The following TNXB variants were observed in gnomAD, a reference collection of about 807,000 sequenced individuals.
TNXB encodes tenascin-X.
TNXB carries 183 observed loss-of-function variants against 340.5 expected under a neutral mutation model. The observed-to-expected ratio is 0.54, with a 90% CI of 0.48 to 0.61. The LOEUF (loss-of-function observed/expected upper bound fraction) is 0.61, where lower values mean the gene tolerates loss of function less well. TNXB is among the 20% of genes least tolerant of loss of function. The pLI is 0.00. For synonymous variants in TNXB, 2,121 were observed against 2,314.5 expected (o/e 0.92, Z 2.40); for missense variants, 4,613 against 5,446.4 (o/e 0.85, Z 4.82).
intron 11 of TNXB, among the ~76,000 whole-genome samples, chr6:32,076,402 C>T (rs1779083191): frequency 6.6e-6 from 1 of 152,230 alleles, no homozygotes; most frequent in South Asian, 2.1e-4. Context: ...CCAGCTGCTT[C>T]GTCCTTTTGC....
intron 11 of TNXB, among the ~76,000 whole-genome samples, chr6:32,078,132 A>C (rs1244655828): frequency 6.7e-6 from 1 of 149,994 alleles, no homozygotes; most frequent in African/African-American, 2.4e-5. Flanking sequence ...AGAAAGAAAG[A>C]AAAAGAGAGA....
Position 32,044,020 on chromosome 6 carries a change from C to G in TNXB, c.11373G>C (p.Gln3791His), listed in dbSNP as rs780632328. The change falls in exon 34 of 44, where the codon CAG (glutamine) becomes CAC (histidine). Residue 3791 changes from glutamine (Q) to histidine (H), a missense_variant. This residue lies in a region of TNXB where 14 missense variants were observed against 33.4 expected (regional missense o/e 0.42). Coordinates refer to ENST00000644971, the MANE Select transcript of TNXB (RefSeq NM_001365276.2). ...CAAAGGCACCACCTCCGTCCGCCAGCTGGTAGGAGACTTTGAAGCTGTCCG... is the reference window on the plus strand; with the variant it reads ...CAAAGGCACCACCTCCGTCCGCCAGGTGGTAGGAGACTTTGAAGCTGTCCG... ...SRADSFKVSY[Q>H]LADGGEPQSV... is the part of the protein sequence containing the mutation. The G allele has an allele frequency of 1.3e-6, 2 of 1,587,436 alleles. No homozygotes were observed. The highest frequency in any genetic ancestry group is 1.7e-6 in the Non-Finnish European group (2 of 1,167,320).
rs1228110837 is a variant in TNXB at position 32,069,610 on chromosome 6, G to A, written c.5530C>T (p.Leu1844Phe). The A allele has an allele frequency of 1.9e-6, 3 of 1,607,570 alleles. No homozygotes were observed. Among genetic ancestry groups the A allele is most frequent in the Non-Finnish European group, 1.7e-6 (2 of 1,175,920 alleles). The change falls in exon 15 of 44, where the codon CTC becomes TTC. Residue 1844 changes from leucine (L) to phenylalanine (F), a missense_variant. Physicochemically the swap from Leu to Phe is conservative, Grantham distance 22 (BLOSUM62 0). This residue lies in a region of TNXB where 4,327 missense variants were observed against 4,859.4 expected (regional missense o/e 0.89). Transcript: ENST00000644971. This position sits in a 1 kb window ranked among gnomAD's most constrained non-coding sequence, Gnocchi z 6.2. ...CGCTTGCCGTGGTGCAGCCCGTAGA[G>A]CAGCAGCTTGTACCTGTGGGCAGGG... is the stretch of plus-strand genomic sequence containing the variant. Reference protein sequence around the residue: ...LDPAHRYKLLLYGLHHGKRVG... With the variant: ...LDPAHRYKLLFYGLHHGKRVG...
rs1780004052 is a variant in TNXB at position 32,089,960 on chromosome 6, G to C, written c.2359-581C>G. The stretch of plus-strand genomic sequence containing the variant: ...TTCAAGTTGCACTTTCTCCTTAAAG[G>C]GTCTGCCTCACCCTGAACCTCCTCG... On this transcript the variant is annotated intron_variant, in intron 4 of 43. Coordinates refer to ENST00000644971, the MANE Select transcript of TNXB (RefSeq NM_001365276.2). The surrounding 1 kb of genome is among the most constrained non-coding windows in gnomAD (Gnocchi z 6.2). Among the ~76,000 whole-genome samples, 1 of 152,136 alleles carries C rather than the reference G, an allele frequency of 6.6e-6. No individual in the cohort carries two copies. Among genetic ancestry groups the C allele is most frequent in the Non-Finnish European group, 1.5e-5 (1 of 68,026 alleles).
In TNXB at chr6:32,079,449, T is replaced by C; in HGVS notation, c.4043-84A>G. 8.5e-7 allele frequency: 1 copy of C among 1,176,062 alleles called. No individual in the cohort carries two copies. The allele number at this position is 1,176,062 out of a possible 1,614,324, so 72.9% of individuals were successfully genotyped here. A position where few individuals can be genotyped will look rare whatever the true frequency, so the allele number is the denominator to read the frequency against. On this transcript the variant is annotated intron_variant, in intron 10 of 43. Transcript: ENST00000644971. The surrounding 1 kb of genome is among the most constrained non-coding windows in gnomAD (Gnocchi z 7.1). ...GACAGCCATGGAAATGCCCTTACGC[T>C]GTGGGCTCAGGGGCTCTGTAGCCTT...
rs1779621188 is a variant in TNXB, at chr6:32,083,941, CAGGATCAACCCTGCT to C, written c.3445+457_3445+471del. On this transcript the variant is annotated intron_variant, in intron 8 of 43. Coordinates refer to ENST00000644971, the MANE Select transcript of TNXB (RefSeq NM_001365276.2). This position sits in a 1 kb window ranked among gnomAD's most constrained non-coding sequence, Gnocchi z 4.6. ...CCTCCCAAGGTGCTGGGATTATAGGCAGGATCAACCCTGCTAGCCTTTACCAGCTCTTAACTCACT... is the reference window on the plus strand; with the variant it reads ...CCTCCCAAGGTGCTGGGATTATAGGCAGCCTTTACCAGCTCTTAACTCACT... Among the ~76,000 whole-genome samples, 1 of 152,200 alleles carries C rather than the reference CAGGATCAACCCTGCT, an allele frequency of 6.6e-6. No individual in the cohort carries two copies. Among genetic ancestry groups the C allele is most frequent in the Non-Finnish European group, 1.5e-5 (1 of 68,034 alleles).
At position 32,061,478 on chromosome 6, in the gene TNXB, G is replaced by A; in HGVS notation, c.7411C>T (p.Pro2471Ser). The change falls in exon 21 of 44, where the codon CCT becomes TCT. Residue 2471 changes from proline to serine, a missense_variant. By Grantham distance (74) the Pro-to-Ser change is moderately conservative (BLOSUM62 -1). Transcript: ENST00000644971. The surrounding 1 kb of genome is among the most constrained non-coding windows in gnomAD (Gnocchi z 4.4). ...AGGTGCATCTTGTATTTGCGCCCAG[G>A]CTCCAGGCCCCCCACGGTGACCTCG... is the stretch of plus-strand genomic sequence containing the variant. ...ESEVTVGGLE[P>S]GRKYKMHLYG... 1.2e-6 allele frequency: 2 copies of A among 1,613,538 alleles called. No homozygotes were observed. Among genetic ancestry groups the A allele is most frequent in the Non-Finnish European group, 1.7e-6 (2 of 1,179,816 alleles).
At chr6:32,055,797 T>C (rs911530293) in intron 24 of TNXB, 54 bp downstream of exon 24, 37 of 1,567,794 alleles carry the variant, frequency 2.4e-5, no homozygotes, top group Non-Finnish European at 3.0e-5. Context: ...TTTCATGAAG[T>C]TGCAGAGAAA....
At chr6:32,091,821 T>C (rs1582464584) in intron 4 of TNXB, among the ~76,000 whole-genome samples, 2 of 152,312 alleles carry the variant, frequency 1.3e-5, no homozygotes, top group African/African-American at 4.8e-5. Context: ...TATCTCAATA[T>C]TAACCTCGTG....
chr6:32,078,129 A>AAG (rs879775964), intron 11 of TNXB, among the ~76,000 whole-genome samples: 2 of 147,008 alleles, frequency 1.4e-5, no homozygotes, highest in African/African-American at 5.0e-5. Context: ...GAAAGAAAGA[A>AAG]AGAAAAAGAG....
chr6:32,070,364 A>T lies in TNXB; in HGVS notation c.5041T>A (p.Trp1681Arg), dbSNP rs761353404. The T allele has an allele frequency of 1.2e-6, 2 of 1,606,296 alleles. No homozygotes were observed. Among genetic ancestry groups the T allele is most frequent in the South Asian group, 1.1e-5 (1 of 89,846 alleles). The change falls in exon 14 of 44, where the codon TGG (tryptophan) becomes AGG (arginine). Residue 1681 changes from tryptophan to arginine, a missense_variant. Coordinates refer to ENST00000644971, the MANE Select transcript of TNXB (RefSeq NM_001365276.2). This position sits in a 1 kb window ranked among gnomAD's most constrained non-coding sequence, Gnocchi z 6.0. ...GAGTCTGGGGTGGGGTCTGTCACCC[A>T]CAGCTCCCCAAGGCGGGGTGGGGCC... Reference protein sequence around the residue: ...PGAPPRLGELWVTDPTPDSLR... With the variant: ...PGAPPRLGELRVTDPTPDSLR...
rs116414491 is a variant in TNXB, at chr6:32,083,855, G to A, written c.3445+558C>T. 7.3e-3 allele frequency among the ~76,000 whole-genome samples: 1,105 copies of A among 152,100 alleles called. 13 individuals are homozygous for A. Among genetic ancestry groups the A allele is most frequent in the African/African-American group, 0.024 (1,007 of 41,466 alleles). On this transcript the variant is annotated intron_variant, in intron 8 of 43. Coordinates refer to ENST00000644971, the MANE Select transcript of TNXB (RefSeq NM_001365276.2). This position sits in a 1 kb window ranked among gnomAD's most constrained non-coding sequence, Gnocchi z 4.6. ...TCTTTTGTTATAGTAGAGATGGGGG[G>A]TCTCACTATGTTGCCAGGTTGGTCT... is the stretch of plus-strand genomic sequence containing the variant.
chr6:32,054,840 C>T (rs533347256), intron 24 of TNXB, among the ~76,000 whole-genome samples: 1 of 152,350 alleles, frequency 6.6e-6, no homozygotes, highest in Admixed American at 6.5e-5. Context: ...CTGCTTGGGG[C>T]TGGCCTGGCA....
At position 32,056,805 on chromosome 6, in the gene TNXB, C is replaced by T; in HGVS notation, c.7924G>A (p.Asp2642Asn). ...GELTMTDATP[D>N]SLSLSWTVPE... ...ACCGTCCAGGACAGGCTGAGGGAGT[C>T]AGGGGTGGCATCTGTCATGGTCAGC... The change falls in exon 23 of 44, where the codon GAC becomes AAC. Residue 2642 changes from aspartate (D) to asparagine (N), a missense_variant. Around this residue, in one of 7 missense-constraint regions of TNXB, gnomAD observed 4,327 missense variants for 4,859.4 expected, o/e 0.89. Coordinates refer to ENST00000644971, the MANE Select transcript of TNXB (RefSeq NM_001365276.2). 1 of 1,613,174 alleles carries T rather than the reference C, an allele frequency of 6.2e-7. No homozygotes were observed. Among genetic ancestry groups the T allele is most frequent in the South Asian group, 1.1e-5 (1 of 91,082 alleles).
At chr6:32,093,353 CA>C in intron 4 of TNXB, 1 of 699,444 alleles carries the variant, frequency 1.4e-6, no homozygotes, top group Non-Finnish European at 2.6e-6. Flanking sequence ...GATGTTTAAA[CA>C]GAAGAAAAAA....
chr6:32,104,596 C>T (rs576544512), intron 1 of TNXB, among the ~76,000 whole-genome samples: 11 of 152,242 alleles, frequency 7.2e-5, no homozygotes, highest in South Asian at 2.1e-4. Context: ...AGCTTCCATC[C>T]GCCTCTTGCC....
rs1470010323 is a variant in TNXB, at chr6:32,085,773, G to C, written c.3125C>G (p.Pro1042Arg). 1 of 1,553,898 alleles carries C rather than the reference G, an allele frequency of 6.4e-7. No individual in the cohort carries two copies. The highest frequency in any genetic ancestry group is 1.4e-5 in the African/African-American group (1 of 73,764). The change falls in exon 7 of 44, where the codon CCC (proline) becomes CGC (arginine). Residue 1042 changes from proline to arginine, a missense_variant. Around this residue, in one of 7 missense-constraint regions of TNXB, gnomAD observed 4,327 missense variants for 4,859.4 expected, o/e 0.89. Transcript: ENST00000644971. The surrounding 1 kb of genome is among the most constrained non-coding windows in gnomAD (Gnocchi z 6.4). The part of the protein sequence containing the change: ...GVPPGGKPSD[P>R]IIYQGIMDKD... ...ACCCATAATGCCTTGGTAGATGATG[G>C]GGTCAGAGGGCTTGCCCCCAGGAGG...
At chr6:32,063,848 G>A (rs960314719) in intron 19 of TNXB, among the ~76,000 whole-genome samples, 27 of 152,154 alleles carry the variant, frequency 1.8e-4, no homozygotes, top group African/African-American at 6.0e-4. Context: ...TCAAAGAGCC[G>A]AGTTACAGGG....
chr6:32,096,450 C>A lies in TNXB; in HGVS notation c.1403G>T (p.Gly468Val). Reference protein sequence around the residue: ...GEDCGVRSCPGDCRGRGRCES... With the variant: ...GEDCGVRSCPVDCRGRGRCES... Reference sequence around the variant, plus strand: ...ACAGCGGCCCCGGCCACGACAGTCCCCAGGACAGCTGCGCACACCGCAGTC... The same window carrying A: ...ACAGCGGCCCCGGCCACGACAGTCCACAGGACAGCTGCGCACACCGCAGTC... Residue 468 changes from glycine to valine, a missense_variant, in exon 3 of 44, where the codon GGG (glycine) becomes GTG (valine). Physicochemically the swap from Gly to Val is moderately radical, Grantham distance 109. This residue lies in a region of TNXB where 4,327 missense variants were observed against 4,859.4 expected (regional missense o/e 0.89). Coordinates refer to ENST00000644971, the MANE Select transcript of TNXB (RefSeq NM_001365276.2). The A allele has an allele frequency of 1.9e-6, 3 of 1,599,212 alleles. No homozygotes were observed. The highest frequency in any genetic ancestry group is 1.7e-6 in the Non-Finnish European group (2 of 1,179,024).
Sources: gnomAD v4.1 joint callset for allele counts (sites outside exome capture counted in the v4.1 genomes callset) on GRCh38, gnomAD v4.1.1 for gene constraint, gnomAD v4.1.1 regional missense constraint, Gnocchi (gnomAD v3.1) non-coding constraint, MANE v1.5 for transcripts, NCBI Gene and HGNC (gene_info 2026-07-23, HGNC 2026-07-21) for gene names.